The following OR51B5 variants were observed in gnomAD, a reference collection of about 807,000 sequenced individuals.
OR51B5 encodes olfactory receptor family 51 subfamily B member 5.
For missense variants in OR51B5, 456 were observed against 374.6 expected, an observed-to-expected ratio of 1.22 and a Z score of -1.79; for synonymous variants, 186 against 144.8, an observed-to-expected ratio of 1.28 and a Z score of -2.04.
intron 1 of OR51B5, among the ~76,000 whole-genome samples, chr11:5,412,998 A>G (rs565136822): frequency 1.6e-3 from 239 of 151,098 alleles, no homozygotes; most frequent in South Asian, 3.0e-3. Context: ...CCTCAAGTGG[A>G]TCCCTGACCC....
rs1464616714 is a variant in OR51B5, at chr11:5,351,365, C to A, written n.85-4455G>T. On this transcript the variant is annotated intron_variant and non_coding_transcript_variant, in intron 1 of 4. Coordinates refer to the OR51B5 transcript ENST00000415970. The stretch of plus-strand genomic sequence containing the variant: ...CATACCTAGGATCTCCCAGGAATGA[C>A]TAAATTATCATCCTTGCTGTCACTG... 1.9e-5 allele frequency: 12 copies of A among 633,690 alleles called. No individual in the cohort carries two copies. The Admixed American group carries it at 3.3e-4, about 17-fold the overall frequency. The allele number at this position is 633,690 out of a possible 1,614,324, so 39.3% of individuals were successfully genotyped here.
intron 1 of OR51B5, among the ~76,000 whole-genome samples, chr11:5,366,107 T>C (rs1589956253): frequency 6.6e-6 from 1 of 152,094 alleles, no homozygotes. Context: ...ACTTGTCCAG[T>C]TGTGTGTGAC....
At chr11:5,343,112 C>A (rs547271833) in exon 1 of OR51B5, 1 of 1,612,840 alleles carries the variant, frequency 6.2e-7, no homozygotes, top group Non-Finnish European at 8.5e-7. Flanking sequence ...CTTCACTACT[C>A]GAGTATTAGT....
chr11:5,474,318 T>G (rs1851271791), intron 1 of OR51B5, among the ~76,000 whole-genome samples: 1 of 152,008 alleles, frequency 6.6e-6, no homozygotes, highest in South Asian at 2.1e-4. Context: ...TATAAACAGA[T>G]GTACTCCCCC....
intron 1 of OR51B5, chr11:5,403,550 A>G (rs1850008019): frequency 2.1e-6 from 1 of 467,102 alleles, no homozygotes; most frequent in Admixed American, 2.4e-5. Context: ...GAGTGTAGCC[A>G]AAAACCATAG....
intron 1 of OR51B5, chr11:5,389,699 T>A (rs546281294): frequency 6.2e-7 from 1 of 1,613,728 alleles, no homozygotes; most frequent in African/African-American, 1.3e-5. Context: ...CTGGTTTAAC[T>A]CCCATAGTAT....
At chr11:5,406,443 T>A (rs183244760) in intron 1 of OR51B5, among the ~76,000 whole-genome samples, 92 of 152,262 alleles carry the variant, frequency 6.0e-4, no homozygotes, top group Non-Finnish European at 1.3e-3. Context: ...TCTCTTGGTG[T>A]CTATGAAATT....
At chr11:5,489,107 G>GGTATGTTGTATAAATGGTT in intron 1 of OR51B5, 1 of 1,613,906 alleles carries the variant, frequency 6.2e-7, no homozygotes, top group Non-Finnish European at 8.5e-7. Flanking sequence ...AACCCATTAA[G>GGTATGTTGTATAAATGGTT]GTACACAACC....
chr11:5,459,639 T>C (rs1214917252), intron 1 of OR51B5, among the ~76,000 whole-genome samples: 2 of 150,462 alleles, frequency 1.3e-5, no homozygotes, highest in South Asian at 4.4e-4. Flanking sequence ...AAGCCCAGTA[T>C]CACTGATCTT....
intron 1 of OR51B5, among the ~76,000 whole-genome samples, chr11:5,492,973 C>A (rs1185954121): frequency 1.3e-5 from 2 of 152,108 alleles, no homozygotes; most frequent in African/African-American, 4.8e-5. Flanking sequence ...GCAACAGAAA[C>A]AAAATTAATG....
At chr11:5,437,452 C>T (rs1850608729) in intron 1 of OR51B5, among the ~76,000 whole-genome samples, 1 of 152,186 alleles carries the variant, frequency 6.6e-6, no homozygotes, top group South Asian at 2.1e-4. Context: ...ACACTTCCCT[C>T]CTGAACTCCC....
chr11:5,447,739 T>G (rs1850788623), intron 1 of OR51B5, among the ~76,000 whole-genome samples: 1 of 151,824 alleles, frequency 6.6e-6, no homozygotes, highest in African/African-American at 2.4e-5. Flanking sequence ...CTACTTCCTT[T>G]CTGTGGCTCT....
At chr11:5,453,673 T>A in intron 1 of OR51B5, 2 of 1,613,520 alleles carry the variant, frequency 1.2e-6, no homozygotes, top group Middle Eastern at 1.6e-4. Context: ...ATGTACTACT[T>A]CCTGTCCATG....
upstream of OR51B5, chr11:5,343,700 T>C: frequency 2.0e-6 from 1 of 511,536 alleles, no homozygotes; most frequent in South Asian, 3.8e-5. Context: ...CTCATACTAT[T>C]TGTATTCTTA....
At chr11:5,368,129 T>G (rs1320056120) in intron 1 of OR51B5, among the ~76,000 whole-genome samples, 2 of 152,262 alleles carry the variant, frequency 1.3e-5, no homozygotes, top group East Asian at 1.9e-4. Context: ...TCAGATTTGT[T>G]GCATCTTCAA....
chr11:5,454,050 G>A, intron 1 of OR51B5: 1 of 1,614,104 alleles, frequency 6.2e-7, no homozygotes, highest in Non-Finnish European at 8.5e-7. Context: ...GATGAGGCTT[G>A]CCTGTGCTGA....
At chr11:5,347,257 A>ATATC (rs1249746865), upstream of OR51B5, among the ~76,000 whole-genome samples, 3 of 152,150 alleles carry the variant, frequency 2.0e-5, no homozygotes, top group Admixed American at 2.0e-4. Flanking sequence ...GAAAGCCTAT[A>ATATC]TATCTTCTTG....
chr11:5,417,058 T>C (rs1222470508), intron 1 of OR51B5, among the ~76,000 whole-genome samples: 2 of 150,724 alleles, frequency 1.3e-5, no homozygotes, highest in Non-Finnish European at 3.0e-5. Flanking sequence ...CAAAACAGCA[T>C]GGTACTGGTA....
intron 1 of OR51B5, among the ~76,000 whole-genome samples, chr11:5,375,652 G>A (rs1324507456): frequency 1.3e-5 from 2 of 152,010 alleles, no homozygotes; most frequent in Non-Finnish European, 2.9e-5. Context: ...AAAGGCAGGG[G>A]TTGCAATCCT....
Sources: allele counts gnomAD v4.1 joint callset (sites outside exome capture counted in the v4.1 genomes callset), GRCh38; gene constraint gnomAD v4.1.1; transcripts MANE v1.5; gene names NCBI Gene and HGNC (gene_info 2026-07-23, HGNC 2026-07-21).